CLDN14: variants seen among roughly 807,000 people sequenced by gnomAD.
The protein encoded by CLDN14 is claudin 14, also known as claudin-14.
Under a neutral mutation model 2.1 loss-of-function variants are expected in CLDN14, and 2 were observed. The ratio of observed to expected loss-of-function variants is 0.96; its 90% CI spans 0.39 to 3.01. The LOEUF is 3.01. Ranked by LOEUF, CLDN14 falls within the 30% of genes most tolerant of loss-of-function variation. CLDN14 has a pLI of 0.09. For missense variants in CLDN14, 298 were observed against 328.0 expected (o/e 0.91, Z 0.71); for synonymous variants, 136 against 154.4 (o/e 0.88, Z 0.88).
chr21:36,534,305 T>C (rs899561121), intron 1 of CLDN14, among the ~76,000 whole-genome samples: 1 of 152,170 alleles, frequency 6.6e-6, no homozygotes, highest in Non-Finnish European at 1.5e-5. Context: ...CCCAGCTTTT[T>C]AGGGGAGTCT....
chr21:36,520,902 A>G (rs894817377), intron 1 of CLDN14, among the ~76,000 whole-genome samples: 1 of 151,984 alleles, frequency 6.6e-6, no homozygotes, highest in Non-Finnish European at 1.5e-5. Context: ...AACGCTCCCC[A>G]TGGACTGGGC....
chr21:36,575,671 A>G (rs115799182), intron 1 of CLDN14, among the ~76,000 whole-genome samples: 1 of 152,238 alleles, frequency 6.6e-6, no homozygotes, highest in Non-Finnish European at 1.5e-5. Flanking sequence ...GTTTATCAGC[A>G]TAAGTAGGCA....
chr21:36,560,939 A>T (rs1373886570), intron 1 of CLDN14, among the ~76,000 whole-genome samples: 1 of 152,234 alleles, frequency 6.6e-6, no homozygotes, highest in Non-Finnish European at 1.5e-5. Flanking sequence ...AACCAGTTGC[A>T]GATACTTTCA....
At chr21:36,561,298 T>C (rs1237566771) in intron 1 of CLDN14, among the ~76,000 whole-genome samples, 1 of 152,234 alleles carries the variant, frequency 6.6e-6, no homozygotes, top group Non-Finnish European at 1.5e-5. Flanking sequence ...TGGTGCTGGC[T>C]GTTCCCCACT....
chr21:36,470,958 A>G (rs2086703691), intron 1 of CLDN14, among the ~76,000 whole-genome samples: 1 of 152,260 alleles, frequency 6.6e-6, no homozygotes, highest in African/African-American at 2.4e-5. Context: ...CCTGAGTGAG[A>G]GAGCAACATC....
chr21:36,461,766 C>T lies in CLDN14; in HGVS notation c.-71G>A. ...CGGGGTCACGCCGCTCCTCAGGTGC[C>T]AGCCGGAGCCCTAATGAAGCCAAGG... On this transcript the variant is annotated 5_prime_UTR_variant, in exon 2 of 2. The change creates a premature stop within an existing upstream ORF in the 5' untranslated region. Transcript: ENST00000399135. The T allele has an allele frequency of 6.5e-7, 1 of 1,530,176 alleles. No individual in the cohort carries two copies. Among genetic ancestry groups the T allele is most frequent in the Middle Eastern group, 2.3e-4 (1 of 4,390 alleles). 94.8% of individuals were successfully genotyped at this position (1,530,176 alleles called of 1,614,324 possible). A position where few individuals can be genotyped will look rare whatever the true frequency, so the allele number is the denominator to read the frequency against.
At chr21:36,553,367 G>C (rs2087576194) in intron 1 of CLDN14, among the ~76,000 whole-genome samples, 1 of 152,186 alleles carries the variant, frequency 6.6e-6, no homozygotes, top group Admixed American at 6.5e-5. Flanking sequence ...TGCTCAGCAA[G>C]GCAGTGATGC....
chr21:36,486,111 G>C, intron 2 of CLDN14: 1 of 1,346,064 alleles, frequency 7.4e-7, no homozygotes, highest in Non-Finnish European at 1.1e-6. Context: ...AGGACACTCT[G>C]AAGGAACTCA....
At chr21:36,493,393 T>C (rs2086987647) in intron 2 of CLDN14, among the ~76,000 whole-genome samples, 1 of 152,068 alleles carries the variant, frequency 6.6e-6, no homozygotes. Flanking sequence ...TCTAGTAACA[T>C]AGGTTTTTAT....
At chr21:36,513,791 C>T (rs1242688511) in intron 1 of CLDN14, among the ~76,000 whole-genome samples, 1 of 152,170 alleles carries the variant, frequency 6.6e-6, no homozygotes, top group African/African-American at 2.4e-5. Flanking sequence ...CAAGCAGCCC[C>T]TCAGTCTGGC....
At chr21:36,485,672 T>G (rs1420914204) in intron 2 of CLDN14, among the ~76,000 whole-genome samples, 2 of 152,104 alleles carry the variant, frequency 1.3e-5, no homozygotes, top group Non-Finnish European at 2.9e-5. Flanking sequence ...CTCTGCTCTG[T>G]CCTGTTTTCT....
At chr21:36,501,751 A>T (rs529764082) in intron 2 of CLDN14, among the ~76,000 whole-genome samples, 1 of 152,124 alleles carries the variant, frequency 6.6e-6, no homozygotes, top group Non-Finnish European at 1.5e-5. Context: ...CCTAAATTAA[A>T]GGGCCCATGG....
At chr21:36,548,483 G>C (rs1165909607) in intron 1 of CLDN14, among the ~76,000 whole-genome samples, 1 of 152,204 alleles carries the variant, frequency 6.6e-6, no homozygotes, top group Admixed American at 6.5e-5. Context: ...AGCTCATCGA[G>C]GGAATCCTGG....
At chr21:36,523,031 C>T (rs2087283886) in intron 1 of CLDN14, among the ~76,000 whole-genome samples, 1 of 152,202 alleles carries the variant, frequency 6.6e-6, no homozygotes, top group Non-Finnish European at 1.5e-5. Flanking sequence ...CAACCAGGCA[C>T]TTGGCAGTGA....
At chr21:36,543,579 A>C (rs1375050198) in intron 1 of CLDN14, among the ~76,000 whole-genome samples, 1 of 152,206 alleles carries the variant, frequency 6.6e-6, no homozygotes, top group Non-Finnish European at 1.5e-5. Context: ...CACTATAATA[A>C]GTGCTTTAGC....
chr21:36,573,851 C>T (rs1323471636), intron 1 of CLDN14, among the ~76,000 whole-genome samples: 2 of 152,068 alleles, frequency 1.3e-5, no homozygotes, highest in Admixed American at 1.3e-4. Context: ...AGGGATAAAT[C>T]TAATAAAATA....
chr21:36,472,258 C>G (rs1277590664), intron 1 of CLDN14, among the ~76,000 whole-genome samples: 1 of 152,044 alleles, frequency 6.6e-6, no homozygotes, highest in Non-Finnish European at 1.5e-5. Flanking sequence ...AGGTGGGTGC[C>G]AGGAAGAGGT....
At chr21:36,571,164 C>T (rs912571437) in intron 1 of CLDN14, among the ~76,000 whole-genome samples, 3 of 152,210 alleles carry the variant, frequency 2.0e-5, no homozygotes, top group Non-Finnish European at 2.9e-5. Context: ...ACCAAACATT[C>T]TAATGACACT....
intron 1 of CLDN14, among the ~76,000 whole-genome samples, chr21:36,528,474 T>C (rs1168424763): frequency 6.6e-6 from 1 of 152,182 alleles, no homozygotes; most frequent in Non-Finnish European, 1.5e-5. Context: ...TCTGGAATGT[T>C]CCATTTTTTC....
Sources: allele counts gnomAD v4.1 joint callset (sites outside exome capture counted in the v4.1 genomes callset), GRCh38; gene constraint gnomAD v4.1.1; transcripts MANE v1.5; gene names NCBI Gene and HGNC (gene_info 2026-07-23, HGNC 2026-07-21).